Variants in PRMT8 observed in about 807,000 individuals in gnomAD.
PRMT8 encodes the protein protein arginine methyltransferase 8.
PRMT8 carries 7 observed loss-of-function variants against 47.1 expected under a neutral mutation model. The observed-to-expected ratio is 0.15, with a 90% CI of 0.08 to 0.28. PRMT8 has a LOEUF of 0.28. Among genes scored for constraint, PRMT8 ranks in the 10% least tolerant of loss-of-function variants. The pLI is 1.00. For missense variants in PRMT8, 237 were observed against 505.4 expected, an observed-to-expected ratio of 0.47 and a Z score of 5.09; for synonymous variants, 188 against 186.5, an observed-to-expected ratio of 1.01 and a Z score of -0.07.
intron 1 of PRMT8, among the ~76,000 whole-genome samples, chr12:3,386,591 C>T (rs1205228920): frequency 5.9e-5 from 9 of 152,232 alleles, no homozygotes; most frequent in East Asian, 1.9e-4. Context: ...TATCCATCCA[C>T]TTAGCTATTC....
At position 3,592,308 on chromosome 12, in the gene PRMT8, G is replaced by A. The variant is rs866080497; in HGVS notation, c.1057G>A (p.Glu353Lys). Reference sequence around the variant, plus strand: ...TTACCTCACTGTCCGGAGGGGGGAGGAAATCTACGGGACCATATCCATGAA... The same window carrying A: ...TTACCTCACTGTCCGGAGGGGGGAGAAAATCTACGGGACCATATCCATGAA... ...EDYLTVRRGE[E>K]IYGTISMKPN... The change falls in exon 9 of 10, where the codon GAA (glutamate) becomes AAA (lysine). Residue 353 changes from glutamate to lysine, a missense_variant. Glu to Lys is a moderately conservative substitution (Grantham distance 56). This residue lies in a region of PRMT8 where 151 missense variants were observed against 341.1 expected (regional missense o/e 0.44). Transcript: ENST00000382622. 6.3e-7 allele frequency: 1 copy of A among 1,598,048 alleles called. No individual in the cohort carries two copies. The highest frequency in any genetic ancestry group is 1.4e-5 in the African/African-American group (1 of 74,050).
In PRMT8 at chr12:3,557,814, G is replaced by C. The variant is rs1163846650; in HGVS notation, c.481+4100G>C. 6.6e-6 allele frequency among the ~76,000 whole-genome samples: 1 copy of C among 152,032 alleles called. No individual in the cohort carries two copies. Among genetic ancestry groups the C allele is most frequent in the East Asian group, 1.9e-4 (1 of 5,166 alleles). On this transcript the variant is annotated intron_variant, in intron 4 of 9. Transcript: ENST00000382622. The surrounding 1 kb of genome is among the most constrained non-coding windows in gnomAD (Gnocchi z 4.7). The stretch of plus-strand genomic sequence containing the variant: ...GTGCTGCTGAGCCTGAAAGCCTGTT[G>C]GGAGGGGAGGCAGTGTGTGGGCACA...
Position 3,566,517 on chromosome 12 carries a change from C to T in PRMT8, c.482-2189C>T, listed in dbSNP as rs1866723585. Among the ~76,000 whole-genome samples, 1 of 152,230 alleles carries T rather than the reference C, an allele frequency of 6.6e-6. No homozygotes were observed. Among genetic ancestry groups the T allele is most frequent in the Non-Finnish European group, 1.5e-5 (1 of 68,048 alleles). ...CAATGCATGTGTACAAAGTGTCTTA[C>T]TCCTTGTAGAGCAGGCTGTATCCAA... On this transcript the variant is annotated intron_variant, in intron 4 of 9. Coordinates refer to ENST00000382622, the MANE Select transcript of PRMT8 (RefSeq NM_019854.5). The surrounding 1 kb of genome is among the most constrained non-coding windows in gnomAD (Gnocchi z 4.7).
At chr12:3,423,438 T>G (rs927239886) in intron 1 of PRMT8, among the ~76,000 whole-genome samples, 10 of 152,254 alleles carry the variant, frequency 6.6e-5, no homozygotes, top group African/African-American at 2.2e-4. Context: ...AGCCATCTTG[T>G]GCTCAAGTAG....
rs559707682 is a variant in PRMT8 at position 3,557,536 on chromosome 12, G to A, written c.481+3822G>A. 5.3e-5 allele frequency among the ~76,000 whole-genome samples: 8 copies of A among 152,316 alleles called. No homozygotes were observed. The highest frequency in any genetic ancestry group is 4.1e-4 in the South Asian group (2 of 4,824). On this transcript the variant is annotated intron_variant, in intron 4 of 9. Transcript: ENST00000382622. This position sits in a 1 kb window ranked among gnomAD's most constrained non-coding sequence, Gnocchi z 4.7. ...TCCAGCCTTTCTTGGCTCACCCAGC[G>A]GAGCTGGGTCTCTTCTGTGCCCTCC... is the stretch of plus-strand genomic sequence containing the variant.
At position 3,439,756 on chromosome 12, in the gene PRMT8, C is replaced by T. The variant is rs114636523; in HGVS notation, c.48+58314C>T. 5.2e-3 allele frequency among the ~76,000 whole-genome samples: 785 copies of T among 152,262 alleles called. 11 individuals carry two copies. The highest frequency in any genetic ancestry group is 0.018 in the African/African-American group (754 of 41,548). ...TCTAGGGGGCTCAACTTTAACCTAA[C>T]GGGAACCACAGAGTGCCTGTATTGT... On this transcript the variant is annotated intron_variant, in intron 1 of 9. Transcript: ENST00000452611.
At chr12:3,544,438 C>G (rs1397011381) in intron 2 of PRMT8, among the ~76,000 whole-genome samples, 2 of 152,180 alleles carry the variant, frequency 1.3e-5, no homozygotes, top group Non-Finnish European at 2.9e-5. Flanking sequence ...CAAACATACT[C>G]TCTGTTAGGT....
intron 1 of PRMT8, among the ~76,000 whole-genome samples, chr12:3,443,695 C>G (rs1864828109): frequency 6.6e-6 from 1 of 152,186 alleles, no homozygotes; most frequent in African/African-American, 2.4e-5. Flanking sequence ...CATCATCCTC[C>G]TGGTTTAAAC....
chr12:3,581,146 G>A (rs1020095164), intron 7 of PRMT8, among the ~76,000 whole-genome samples: 3 of 152,158 alleles, frequency 2.0e-5, no homozygotes, highest in African/African-American at 7.2e-5. Flanking sequence ...AGGACGTGGA[G>A]GACCTGATGT....
At chr12:3,407,668 A>G (rs757025297) in intron 1 of PRMT8, among the ~76,000 whole-genome samples, 93 of 152,034 alleles carry the variant, frequency 6.1e-4, no homozygotes, top group Non-Finnish European at 9.0e-4. Flanking sequence ...CTCTCCCAAG[A>G]CTTGGGAATT....
At chr12:3,466,508 T>A (rs1393831194) in intron 1 of PRMT8, among the ~76,000 whole-genome samples, 1 of 152,172 alleles carries the variant, frequency 6.6e-6, no homozygotes, top group Admixed American at 6.5e-5. Context: ...AATGAGTCAA[T>A]GTTCTCTAGC....
chr12:3,452,332 C>T (rs1158682236), intron 1 of PRMT8, among the ~76,000 whole-genome samples: 21 of 151,678 alleles, frequency 1.4e-4, no homozygotes, highest in African/African-American at 4.6e-4. Flanking sequence ...CACACACACA[C>T]ACATACACAC....
chr12:3,591,163 A>G (rs1396920634), intron 8 of PRMT8, among the ~76,000 whole-genome samples: 1 of 152,114 alleles, frequency 6.6e-6, no homozygotes, highest in African/African-American at 2.4e-5. Flanking sequence ...ACTGGAGAAT[A>G]TATCGTGTGC....
At chr12:3,439,823 T>C (rs1448623019) in intron 1 of PRMT8, among the ~76,000 whole-genome samples, 1 of 152,236 alleles carries the variant, frequency 6.6e-6, no homozygotes, top group Non-Finnish European at 1.5e-5. Flanking sequence ...CCATTTGCTC[T>C]ACTGTGTGTG....
intron 1 of PRMT8, among the ~76,000 whole-genome samples, chr12:3,415,133 G>A (rs924620206): frequency 6.6e-6 from 1 of 152,052 alleles, no homozygotes; most frequent in East Asian, 1.9e-4. Context: ...GGCTGGAGTG[G>A]CTCACAGAAC....
rs1565438682 is a variant in PRMT8 at position 3,550,546 on chromosome 12, A to G, written c.417+455A>G. The G allele has an allele frequency of 5.8e-6, 1 of 171,200 alleles. No individual in the cohort carries two copies. The highest frequency in any genetic ancestry group is 2.3e-5 in the African/African-American group (1 of 42,724). 10.6% of individuals were successfully genotyped at this position (171,200 alleles called of 1,614,324 possible). A position where few individuals can be genotyped will look rare whatever the true frequency, so the allele number is the denominator to read the frequency against. On this transcript the variant is annotated intron_variant, in intron 3 of 9. Transcript: ENST00000382622. This position sits in a 1 kb window ranked among gnomAD's most constrained non-coding sequence, Gnocchi z 5.1. ...GTCCCTTGCCCATAGGGTGATTGTG[A>G]GGATTAAATGAGTATAATACATATG...
At position 3,540,093 on chromosome 12, in the gene PRMT8, A is replaced by G. The variant is rs1222204821; in HGVS notation, c.76-513A>G. Among the ~76,000 whole-genome samples the G allele has an allele frequency of 2.0e-5, 3 of 151,906 alleles. No individual in the cohort carries two copies. The East Asian group carries it at 5.8e-4, about 29-fold the overall frequency. ...ACAAACTTGTCTAATCCTCAGGACAACTCTAGGAGGCAGGGACCATTTTAT... is the reference window on the plus strand; with the variant it reads ...ACAAACTTGTCTAATCCTCAGGACAGCTCTAGGAGGCAGGGACCATTTTAT... On this transcript the variant is annotated intron_variant, in intron 1 of 9. Transcript: ENST00000382622.
exon 1 of PRMT8, chr12:3,381,421 C>G (rs1334969571): frequency 4.6e-6 from 7 of 1,535,984 alleles, no homozygotes; most frequent in Non-Finnish European, 5.2e-6. Context: ...CAGATGGATT[C>G]AAGCTGAAAG....
chr12:3,397,808 G>C (rs377542386), intron 1 of PRMT8, among the ~76,000 whole-genome samples: 1 of 152,238 alleles, frequency 6.6e-6, no homozygotes, highest in East Asian at 1.9e-4. Context: ...CCCTCCCCCA[G>C]CCTCGCTGCC....
Sources: gnomAD v4.1 joint callset for allele counts (sites outside exome capture counted in the v4.1 genomes callset) on GRCh38, gnomAD v4.1.1 for gene constraint, gnomAD v4.1.1 regional missense constraint, Gnocchi (gnomAD v3.1) non-coding constraint, MANE v1.5 for transcripts, NCBI Gene and HGNC (gene_info 2026-07-23, HGNC 2026-07-21) for gene names.